Variants in KCNJ15 observed in about 807,000 individuals in gnomAD.
KCNJ15 encodes ATP-sensitive inward rectifier potassium channel 15.
Under a neutral mutation model 23.0 loss-of-function variants are expected in KCNJ15, and 14 were observed. The observed-to-expected ratio is 0.61, with a 90% CI of 0.40 to 0.95. The LOEUF (loss-of-function observed/expected upper bound fraction) is 0.95. KCNJ15 is among the 40% of genes least tolerant of loss of function. The pLI is 0.00. For synonymous variants in KCNJ15, 185 were observed against 183.2 expected, an observed-to-expected ratio of 1.01 and a Z score of -0.08; for missense variants, 388 against 461.8, an observed-to-expected ratio of 0.84 and a Z score of 1.46.
At chr21:38,252,964 T>C (rs149952530), upstream of KCNJ15, among the ~76,000 whole-genome samples, 55 of 152,326 alleles carry the variant, frequency 3.6e-4, 1 homozygote, top group East Asian at 8.3e-3. Flanking sequence ...TCCATTTCCA[T>C]TGCAGATGCA....
chr21:38,294,351 A>C (rs532008190), intron 1 of KCNJ15, among the ~76,000 whole-genome samples: 1 of 152,186 alleles, frequency 6.6e-6, no homozygotes, highest in Non-Finnish European at 1.5e-5. Flanking sequence ...TAGAAATCCA[A>C]AGTTACTATT....
At chr21:38,293,305 C>T (rs1984811783) in intron 1 of KCNJ15, among the ~76,000 whole-genome samples, 1 of 152,162 alleles carries the variant, frequency 6.6e-6, no homozygotes, top group Non-Finnish European at 1.5e-5. Flanking sequence ...CCCGACACCT[C>T]TCTTCAGGCA....
chr21:38,293,487 G>C (rs1231711861), intron 1 of KCNJ15, among the ~76,000 whole-genome samples: 2 of 152,132 alleles, frequency 1.3e-5, no homozygotes, highest in Admixed American at 6.5e-5. Flanking sequence ...CAAATAGTTG[G>C]GAGCAACATA....
At chr21:38,254,641 G>A (rs899072951), upstream of KCNJ15, among the ~76,000 whole-genome samples, 6 of 152,246 alleles carry the variant, frequency 3.9e-5, no homozygotes, top group East Asian at 1.9e-4. Context: ...AAAAATGTAC[G>A]ATAATGAAAA....
At position 38,305,250 on chromosome 21, in the gene KCNJ15, T is replaced by G. The variant is rs904079305; in HGVS notation, c.*4861T>G. 6.6e-6 allele frequency: 1 copy of G among 152,204 alleles called. No homozygotes were observed. Among genetic ancestry groups the G allele is most frequent in the Non-Finnish European group, 1.5e-5 (1 of 68,032 alleles). 9.4% of individuals were successfully genotyped at this position (152,204 alleles called of 1,614,324 possible). A position where few individuals can be genotyped will look rare whatever the true frequency, so the allele number is the denominator to read the frequency against. On this transcript the variant is annotated 3_prime_UTR_variant, in exon 3 of 3. Coordinates refer to ENST00000398938, the MANE Select transcript of KCNJ15 (RefSeq NM_170736.3). ...TTGACTGTTTCTTCATATTTGCTGTTCATTCTATAAAGTCAAATAGATTGG... is the reference window on the plus strand; with the variant it reads ...TTGACTGTTTCTTCATATTTGCTGTGCATTCTATAAAGTCAAATAGATTGG...
rs1226998146 is a variant in KCNJ15, at chr21:38,300,289, G to C, written c.1028G>C (p.Cys343Ser). The C allele has an allele frequency of 3.1e-6, 5 of 1,614,034 alleles. No homozygotes were observed. The highest frequency in any genetic ancestry group is 1.3e-5 in the African/African-American group (1 of 74,926). ...IRKSPDCTFY[C>S]ADSEKQQLEE... ...AAAAGCCCAGATTGCACATTTTACT[G>C]TGCAGATTCTGAGAAACAGCAACTC... Residue 343 changes from cysteine to serine, a missense_variant, in exon 3 of 3, where the codon TGT becomes TCT. Physicochemically the swap from Cys to Ser is moderately radical, Grantham distance 112 (BLOSUM62 -1). Transcript: ENST00000398938.
chr21:38,283,618 T>C (rs1325367423), intron 1 of KCNJ15, among the ~76,000 whole-genome samples: 3 of 152,222 alleles, frequency 2.0e-5, no homozygotes, highest in Non-Finnish European at 2.9e-5. Flanking sequence ...TTGTACATTA[T>C]CCTATCATAC....
intron 1 of KCNJ15, among the ~76,000 whole-genome samples, chr21:38,288,370 G>A (rs1009603070): frequency 7.2e-5 from 11 of 152,036 alleles, no homozygotes; most frequent in South Asian, 2.1e-4. Context: ...AGCACAAGTC[G>A]TAATTTCCAT....
intron 1 of KCNJ15, among the ~76,000 whole-genome samples, chr21:38,250,738 C>A (rs1283644061): frequency 8.5e-5 from 13 of 152,180 alleles, no homozygotes; most frequent in Non-Finnish European, 4.4e-5. Flanking sequence ...GATCATCAGT[C>A]AAGCACCAAT....
At chr21:38,295,952 T>G (rs1985108067) in intron 1 of KCNJ15, among the ~76,000 whole-genome samples, 1 of 152,174 alleles carries the variant, frequency 6.6e-6, no homozygotes, top group African/African-American at 2.4e-5. Flanking sequence ...TGTAAGAGGA[T>G]GCACAGGTTA....
intron 1 of KCNJ15, among the ~76,000 whole-genome samples, chr21:38,289,096 T>G (rs888658833): frequency 6.7e-6 from 1 of 149,790 alleles, no homozygotes; most frequent in Non-Finnish European, 1.5e-5. Context: ...CCTCGGGAGG[T>G]TGAGGCACGA....
At position 38,299,594 on chromosome 21, in the gene KCNJ15, G is replaced by A. The variant is rs142632089; in HGVS notation, c.333G>A (p.Val111=). The A allele has an allele frequency of 3.1e-6, 5 of 1,614,072 alleles. No homozygotes were observed. The highest frequency in any genetic ancestry group is 2.2e-5 in the South Asian group (2 of 91,078). ...ATCATACCCCCTGCATCATGAAAGT[G>A]GACTCTCTCACTGGGGCGTTTCTCT... ...ISNHTPCIMK[V]DSLTGAFLFS... is the part of the protein sequence containing the mutation. Residue 111 remains valine (V), a synonymous_variant, in exon 3 of 3, where the codon GTG becomes GTA. Transcript: ENST00000398938. This position sits in a 1 kb window ranked among gnomAD's most constrained non-coding sequence, Gnocchi z 4.5.
In KCNJ15 at chr21:38,299,079, T is replaced by C. The variant is rs773472558; in HGVS notation, c.-18-165T>C. 3.3e-5 allele frequency among the ~76,000 whole-genome samples: 5 copies of C among 152,236 alleles called. No homozygotes were observed. Among genetic ancestry groups the C allele is most frequent in the African/African-American group, 4.8e-5 (2 of 41,460 alleles). On this transcript the variant is annotated intron_variant, in intron 2 of 2. Transcript: ENST00000398938. This position sits in a 1 kb window ranked among gnomAD's most constrained non-coding sequence, Gnocchi z 4.5. ...TTTCTGCAAAGCCTCTGCTCCTCAC[T>C]CTACCCTACCGACCACCTAAGTATA...
chr21:38,274,163 G>T (rs1982398657), intron 1 of KCNJ15, among the ~76,000 whole-genome samples: 1 of 152,248 alleles, frequency 6.6e-6, no homozygotes, highest in Non-Finnish European at 1.5e-5. Flanking sequence ...CCTGGGCAAA[G>T]TCATGTTAGG....
Position 38,303,853 on chromosome 21 carries a change from G to C in KCNJ15, c.*3464G>C, listed in dbSNP as rs1294003283. 1 of 151,988 alleles carries C rather than the reference G, an allele frequency of 6.6e-6. No homozygotes were observed. The highest frequency in any genetic ancestry group is 1.5e-5 in the Non-Finnish European group (1 of 68,022). The allele number at this position is 151,988 out of a possible 1,614,324, so 9.4% of individuals were successfully genotyped here. A position where few individuals can be genotyped will look rare whatever the true frequency, so the allele number is the denominator to read the frequency against. On this transcript the variant is annotated 3_prime_UTR_variant, in exon 3 of 3. Coordinates refer to ENST00000398938, the MANE Select transcript of KCNJ15 (RefSeq NM_170736.3). Reference sequence around the variant, plus strand: ...TAGCATTATTCTGTCTCCCTTATTTGAGTCTTCAATATATATGCCCAGCTG... The same window carrying C: ...TAGCATTATTCTGTCTCCCTTATTTCAGTCTTCAATATATATGCCCAGCTG...
chr21:38,245,229 G>C (rs576543608), intron 1 of KCNJ15, among the ~76,000 whole-genome samples: 6 of 152,064 alleles, frequency 3.9e-5, no homozygotes, highest in African/African-American at 1.4e-4. Context: ...TCTCTGTGTG[G>C]CCATATGCCT....
At chr21:38,263,147 G>T (rs1440570919) in intron 1 of KCNJ15, among the ~76,000 whole-genome samples, 2 of 152,160 alleles carry the variant, frequency 1.3e-5, no homozygotes, top group African/African-American at 4.8e-5. Flanking sequence ...GGCCAAAGCT[G>T]CTTTGAGGAG....
At chr21:38,280,930 C>T (rs1419701348) in intron 1 of KCNJ15, among the ~76,000 whole-genome samples, 1 of 152,130 alleles carries the variant, frequency 6.6e-6, no homozygotes, top group African/African-American at 2.4e-5. Flanking sequence ...GAAATGAGAA[C>T]ACAGTCACTC....
intron 1 of KCNJ15, among the ~76,000 whole-genome samples, chr21:38,267,592 G>A (rs1981595290): frequency 6.6e-6 from 1 of 152,160 alleles, no homozygotes; most frequent in African/African-American, 2.4e-5. Flanking sequence ...GGAAGACACA[G>A]TTAATGGCGC....
Sources: gnomAD v4.1 joint callset for allele counts (sites outside exome capture counted in the v4.1 genomes callset) on GRCh38, gnomAD v4.1.1 for gene constraint, Gnocchi (gnomAD v3.1) non-coding constraint, MANE v1.5 for transcripts, NCBI Gene and HGNC (gene_info 2026-07-23, HGNC 2026-07-21) for gene names.